Variants in ARHGAP42 observed in about 807,000 individuals in gnomAD.
The protein encoded by ARHGAP42 is Rho GTPase activating protein 42.
ARHGAP42 carries 63 observed loss-of-function variants against 125.0 expected under a neutral mutation model. The ratio of observed to expected loss-of-function variants is 0.50; its 90% CI spans 0.41 to 0.62. The LOEUF is 0.62. Among genes scored for constraint, ARHGAP42 ranks in the 20% least tolerant of loss-of-function variants. The pLI, the probability that ARHGAP42 is intolerant of heterozygous loss-of-function variation, is 0.00. For synonymous variants in ARHGAP42, 339 were observed against 351.0 expected (o/e 0.97, Z 0.38); for missense variants, 766 against 1,024.2 (o/e 0.75, Z 3.44).
At chr11:100,790,841 T>A (rs1307285036) in intron 2 of ARHGAP42, among the ~76,000 whole-genome samples, 1 of 152,224 alleles carries the variant, frequency 6.6e-6, no homozygotes, top group Non-Finnish European at 1.5e-5. Context: ...TTGTGTTACA[T>A]GTTAGTCTGG....
chr11:100,723,141 A>G (rs1861795334), intron 1 of ARHGAP42, among the ~76,000 whole-genome samples: 1 of 151,982 alleles, frequency 6.6e-6, no homozygotes, highest in Non-Finnish European at 1.5e-5. Context: ...CTGTTGGTCT[A>G]TTTTTCTATT....
intron 3 of ARHGAP42, among the ~76,000 whole-genome samples, chr11:100,833,190 T>C (rs966500683): frequency 6.6e-6 from 1 of 152,240 alleles, no homozygotes; most frequent in Non-Finnish European, 1.5e-5. Context: ...TTGAGGTTTG[T>C]ACATTTTGGT....
chr11:100,940,652 T>A lies in ARHGAP42; in HGVS notation c.833-1132T>A, dbSNP rs554848429. Among the ~76,000 whole-genome samples the A allele has an allele frequency of 1.7e-4, 26 of 152,318 alleles. 1 individual carries two copies. The East Asian group carries it at 4.6e-3, about 27-fold the overall frequency. ...TTTCTTCTCATATAAATAGTGGAAATTATTTTCATTTTAAAGAGTAATTTG... is the reference window on the plus strand; with the variant it reads ...TTTCTTCTCATATAAATAGTGGAAAATATTTTCATTTTAAAGAGTAATTTG... On this transcript the variant is annotated intron_variant, in intron 8 of 23. Transcript: ENST00000298815.
At chr11:100,802,425 T>TTTC (rs34691480) in intron 3 of ARHGAP42, among the ~76,000 whole-genome samples, 20 of 48,552 alleles carry the variant, frequency 4.1e-4, no homozygotes, top group African/African-American at 1.8e-3. Context: ...CCTTTCTTTC[T>TTTC]TTTTTTTTTT....
chr11:100,893,608 G>T (rs1798282690), intron 4 of ARHGAP42, among the ~76,000 whole-genome samples: 1 of 152,004 alleles, frequency 6.6e-6, no homozygotes, highest in South Asian at 2.1e-4. Context: ...AAACTGAATT[G>T]CATTTGAAGA....
At chr11:100,726,660 T>G (rs1338315876) in intron 1 of ARHGAP42, among the ~76,000 whole-genome samples, 2 of 152,232 alleles carry the variant, frequency 1.3e-5, no homozygotes, top group Non-Finnish European at 2.9e-5. Flanking sequence ...TGTATTTTCA[T>G]ATCTGTAATT....
Position 100,770,344 on chromosome 11 carries a change from T to A in ARHGAP42, c.156T>A (p.Asn52Lys). The A allele has an allele frequency of 6.5e-7, 1 of 1,537,778 alleles. No homozygotes were observed. ...DGSLLIGALR[N>K]LSMAVQKFSQ... ...TTTTTGCTTAACTTTTACTTGCAGA[T>A]CTGTCTATGGCAGTGCAGAAATTTT... The change falls in exon 2 of 24, where the codon AAT becomes AAA. Residue 52 changes from asparagine to lysine, a missense_variant and splice_region_variant. Asn to Lys is a moderately conservative substitution (Grantham distance 94, BLOSUM62 0). Coordinates refer to ENST00000298815, the MANE Select transcript of ARHGAP42 (RefSeq NM_152432.4).
intron 1 of ARHGAP42, among the ~76,000 whole-genome samples, chr11:100,730,840 C>T (rs1249245174): frequency 2.6e-5 from 4 of 152,182 alleles, no homozygotes; most frequent in Non-Finnish European, 5.9e-5. Context: ...GGCTACAAAC[C>T]TGTACAGCAT....
chr11:100,692,506 T>A (rs1461930759), intron 1 of ARHGAP42, among the ~76,000 whole-genome samples: 3 of 152,232 alleles, frequency 2.0e-5, no homozygotes, highest in Admixed American at 6.5e-5. Flanking sequence ...CTCACACTTT[T>A]CCCAGTTGCA....
At chr11:100,971,815 T>TTA (rs757304427) in intron 17 of ARHGAP42, among the ~76,000 whole-genome samples, 25 of 152,120 alleles carry the variant, frequency 1.6e-4, no homozygotes, top group African/African-American at 3.6e-4. Flanking sequence ...ACATGGGTTG[T>TTA]TATATATATA....
At chr11:100,779,554 ATACATACG>A (rs1432882188) in intron 2 of ARHGAP42, among the ~76,000 whole-genome samples, 2 of 142,270 alleles carry the variant, frequency 1.4e-5, no homozygotes, top group African/African-American at 5.6e-5. Flanking sequence ...ATATATACAT[ATACATACG>A]TATATATACG....
At chr11:100,859,826 A>G in intron 4 of ARHGAP42, 1 of 393,960 alleles carries the variant, frequency 2.5e-6, no homozygotes, top group East Asian at 4.0e-5. Context: ...GTAGATAAGA[A>G]GCATGTTATA....
intron 5 of ARHGAP42, among the ~76,000 whole-genome samples, chr11:100,919,727 A>T (rs78863142): frequency 0.014 from 2,119 of 152,218 alleles, 52 homozygotes; most frequent in African/African-American, 0.048. Flanking sequence ...AAGTAAATAA[A>T]ATTTTCAAAA....
At chr11:100,724,671 C>T (rs936681540) in intron 1 of ARHGAP42, among the ~76,000 whole-genome samples, 1 of 136,968 alleles carries the variant, frequency 7.3e-6, no homozygotes, top group South Asian at 2.4e-4. Context: ...GATTTCATTT[C>T]CGATATTTGG....
intron 1 of ARHGAP42, among the ~76,000 whole-genome samples, chr11:100,761,749 A>G (rs1054080602): frequency 6.6e-6 from 1 of 152,262 alleles, no homozygotes. Flanking sequence ...TGTTATGCTT[A>G]CAATGAAAAT....
At chr11:100,734,207 A>T (rs1309450416) in intron 1 of ARHGAP42, among the ~76,000 whole-genome samples, 1 of 151,910 alleles carries the variant, frequency 6.6e-6, no homozygotes, top group East Asian at 2.0e-4. Context: ...TGCTGGGATT[A>T]CAAGCGTGAG....
intron 12 of ARHGAP42, among the ~76,000 whole-genome samples, chr11:100,956,657 A>G (rs1210752286): frequency 2.0e-5 from 3 of 152,130 alleles, no homozygotes; most frequent in Non-Finnish European, 2.9e-5. Context: ...TCAGTCTGCT[A>G]TAGTCTGTTT....
chr11:100,907,814 A>T (rs1866785118), intron 4 of ARHGAP42, among the ~76,000 whole-genome samples: 1 of 152,134 alleles, frequency 6.6e-6, no homozygotes, highest in Non-Finnish European at 1.5e-5. Flanking sequence ...GCTATCTCTA[A>T]TCCTCTTATG....
At chr11:100,857,346 A>G (rs904580547) in intron 3 of ARHGAP42, among the ~76,000 whole-genome samples, 4 of 152,074 alleles carry the variant, frequency 2.6e-5, no homozygotes, top group Non-Finnish European at 5.9e-5. Context: ...CTGTTTTGTT[A>G]TATCATCTGG....
Sources: allele counts gnomAD v4.1 joint callset (sites outside exome capture counted in the v4.1 genomes callset), GRCh38; gene constraint gnomAD v4.1.1; transcripts MANE v1.5; gene names NCBI Gene and HGNC (gene_info 2026-07-23, HGNC 2026-07-21).